Variants in HSD17B7 observed in about 807,000 individuals in gnomAD.
HSD17B7 encodes the protein hydroxysteroid 17-beta dehydrogenase 7, also known as 3-keto-steroid reductase/17-beta-hydroxysteroid dehydrogenase 7.
A neutral mutation model predicts 34.1 loss-of-function variants in HSD17B7; 17 were observed. The ratio of observed to expected loss-of-function variants is 0.50; its 90% confidence interval spans 0.34 to 0.75. HSD17B7 has a LOEUF of 0.75. Ranked by LOEUF, HSD17B7 falls within the 30% of genes least tolerant of loss-of-function variation. The pLI, the probability that HSD17B7 is intolerant of heterozygous loss-of-function variation, is 0.01. For synonymous variants in HSD17B7, 122 were observed against 154.6 expected, an observed-to-expected ratio of 0.79 and a Z score of 1.56; for missense variants, 296 against 406.6, an observed-to-expected ratio of 0.73 and a Z score of 2.34.
At chr1:162,801,579 T>C (rs952684656) in intron 5 of HSD17B7, among the ~76,000 whole-genome samples, 6 of 152,332 alleles carry the variant, frequency 3.9e-5, no homozygotes, top group African/African-American at 1.4e-4. Context: ...TACCCATGTG[T>C]AGCATGTTCA....
At chr1:162,792,102 A>C (rs937943240) in intron 1 of HSD17B7, among the ~76,000 whole-genome samples, 1 of 152,130 alleles carries the variant, frequency 6.6e-6, no homozygotes, top group African/African-American at 2.4e-5. Context: ...ATTTAATCAT[A>C]GTTGTTGAGA....
At chr1:162,807,258 A>G (rs553536419) in intron 8 of HSD17B7, among the ~76,000 whole-genome samples, 1 of 152,318 alleles carries the variant, frequency 6.6e-6, no homozygotes, top group South Asian at 2.1e-4. Context: ...TTTGCTGAGA[A>G]TGATGGTTTC....
chr1:162,799,949 C>T lies in HSD17B7; in HGVS notation c.642+12C>T, dbSNP rs747672755. 1 of 1,611,994 alleles carries T rather than the reference C, an allele frequency of 6.2e-7. No individual in the cohort carries two copies. The highest frequency in any genetic ancestry group is 1.1e-5 in the South Asian group (1 of 90,952). ...ACTTCAACCAGCAGGTAAGGCCTGTCTCAGTGATACGGAAATGGCAGAGGA... is the reference window on the plus strand; with the variant it reads ...ACTTCAACCAGCAGGTAAGGCCTGTTTCAGTGATACGGAAATGGCAGAGGA... On this transcript the variant is annotated intron_variant, in intron 5 of 8. Coordinates refer to ENST00000254521, the MANE Select transcript of HSD17B7 (RefSeq NM_016371.4).
At chr1:162,808,026 A>T (rs1428244032) in intron 8 of HSD17B7, among the ~76,000 whole-genome samples, 1 of 152,098 alleles carries the variant, frequency 6.6e-6, no homozygotes, top group Non-Finnish European at 1.5e-5. Context: ...GGTGTTTTAG[A>T]CATGAAGTCC....
chr1:162,791,064 T>C (rs1459860811), intron 1 of HSD17B7, among the ~76,000 whole-genome samples: 1 of 151,516 alleles, frequency 6.6e-6, no homozygotes, highest in Admixed American at 6.6e-5. Context: ...CAGTAAGTGA[T>C]GAGTGTCGCA....
chr1:162,810,227 C>A (rs1020187774), intron 8 of HSD17B7, among the ~76,000 whole-genome samples: 1 of 152,210 alleles, frequency 6.6e-6, no homozygotes, highest in Non-Finnish European at 1.5e-5. Context: ...CATTCAGGAG[C>A]AAGTTGTTCA....
intron 4 of HSD17B7, among the ~76,000 whole-genome samples, chr1:162,799,102 G>A (rs1175345699): frequency 6.6e-6 from 1 of 151,274 alleles, no homozygotes; most frequent in Non-Finnish European, 1.5e-5. Flanking sequence ...AAATTATTTG[G>A]ATTTTTTCCA....
At chr1:162,807,585 C>T (rs1311843770) in intron 8 of HSD17B7, among the ~76,000 whole-genome samples, 8 of 152,152 alleles carry the variant, frequency 5.3e-5, no homozygotes, top group African/African-American at 1.9e-4. Flanking sequence ...TTTACAGTCC[C>T]ACCAACAGTG....
In HSD17B7 at chr1:162,792,769, T is replaced by C; in HGVS notation, c.146T>C (p.Leu49Pro). 6.2e-7 allele frequency: 1 copy of C among 1,614,248 alleles called. No individual in the cohort carries two copies. ...GCAGAAGCTGTCTGTGCTGCTCTGCTGGCCTCTCACCCCACTGCTGAGGTC... is the reference window on the plus strand; with the variant it reads ...GCAGAAGCTGTCTGTGCTGCTCTGCCGGCCTCTCACCCCACTGCTGAGGTC... ...SKAEAVCAAL[L>P]ASHPTAEVTI... The change falls in exon 2 of 9, where the codon CTG (leucine) becomes CCG (proline). Residue 49 changes from leucine (L) to proline (P), a missense_variant. Coordinates refer to ENST00000254521, the MANE Select transcript of HSD17B7 (RefSeq NM_016371.4).
At chr1:162,805,764 C>T (rs1419126658) in intron 8 of HSD17B7, among the ~76,000 whole-genome samples, 3 of 152,130 alleles carry the variant, frequency 2.0e-5, no homozygotes, top group Non-Finnish European at 4.4e-5. Context: ...CCCTGTAGAC[C>T]GGGCCTGGGT....
Position 162,812,309 on chromosome 1 carries a change from T to A in HSD17B7, c.915T>A (p.Asp305Glu). Reference sequence around the variant, plus strand: ...TGCTTCTTTTCCAGATGGACCTAGATGAAGACACTGCTGAAAAATTTTATC... The same window carrying A: ...TGCTTCTTTTCCAGATGGACCTAGAAGAAGACACTGCTGAAAAATTTTATC... ...NYIMTQKMDL[D>E]EDTAEKFYQK... is the part of the protein sequence containing the mutation. The change falls in exon 9 of 9, where the codon GAT becomes GAA. Residue 305 changes from aspartate (D) to glutamate (E), a missense_variant. By Grantham distance (45) the Asp-to-Glu change is conservative. Coordinates refer to ENST00000254521, the MANE Select transcript of HSD17B7 (RefSeq NM_016371.4). 1 of 1,612,818 alleles carries A rather than the reference T, an allele frequency of 6.2e-7. No homozygotes were observed. Among genetic ancestry groups the A allele is most frequent in the South Asian group, 1.1e-5 (1 of 90,942 alleles).
At chr1:162,807,531 T>C (rs930964828) in intron 8 of HSD17B7, among the ~76,000 whole-genome samples, 2 of 152,172 alleles carry the variant, frequency 1.3e-5, no homozygotes, top group Non-Finnish European at 2.9e-5. Flanking sequence ...TAGTTCTAGA[T>C]CCTTGAGGAA....
intron 8 of HSD17B7, among the ~76,000 whole-genome samples, chr1:162,808,215 T>TA (rs1423011875): frequency 2.0e-5 from 3 of 152,228 alleles, no homozygotes; most frequent in Non-Finnish European, 4.4e-5. Context: ...CACCATTTAT[T>TA]AAATAGGGAA....
At chr1:162,803,966 C>T (rs994418968) in intron 6 of HSD17B7, among the ~76,000 whole-genome samples, 6 of 152,190 alleles carry the variant, frequency 3.9e-5, no homozygotes, top group African/African-American at 1.4e-4. Flanking sequence ...GTTTCTGTGG[C>T]ACATCTTGAA....
Position 162,792,757 on chromosome 1 carries a change from G to A in HSD17B7, c.134G>A (p.Cys45Tyr), listed in dbSNP as rs140205611. 42 of 1,614,090 alleles carry A rather than the reference G, an allele frequency of 2.6e-5. No homozygotes were observed. The African/African-American group carries it at 3.6e-4, about 14-fold the overall frequency. The change falls in exon 2 of 9, where the codon TGT (cysteine) becomes TAT (tyrosine). Residue 45 changes from cysteine to tyrosine, a missense_variant. Cys to Tyr is a radical substitution (Grantham distance 194). Transcript: ENST00000254521. ...AACATGAGCAAGGCAGAAGCTGTCTGTGCTGCTCTGCTGGCCTCTCACCCC... is the reference window on the plus strand; with the variant it reads ...AACATGAGCAAGGCAGAAGCTGTCTATGCTGCTCTGCTGGCCTCTCACCCC... ...CRNMSKAEAVCAALLASHPTA... is the reference protein window; with the variant it reads ...CRNMSKAEAVYAALLASHPTA...
intron 8 of HSD17B7, among the ~76,000 whole-genome samples, chr1:162,809,286 T>C (rs927080190): frequency 3.9e-5 from 6 of 152,238 alleles, no homozygotes; most frequent in Non-Finnish European, 5.9e-5. Flanking sequence ...GATTTGTGTA[T>C]GTTGAATCAG....
intron 4 of HSD17B7, chr1:162,798,891 G>A: frequency 3.6e-6 from 1 of 277,800 alleles, no homozygotes; most frequent in Non-Finnish European, 7.6e-6. Context: ...CTGCTTGGGA[G>A]GCTGAGGCAG....
rs563739499 is a variant in HSD17B7 at position 162,799,647 on chromosome 1, T to A, written c.448-96T>A. 3.5e-5 allele frequency: 25 copies of A among 720,558 alleles called. No homozygotes were observed. In the African/African-American group the frequency reaches 4.5e-4, roughly 13 times the overall value. The allele number at this position is 720,558 out of a possible 1,614,324, so 44.6% of individuals were successfully genotyped here. A position where few individuals can be genotyped will look rare whatever the true frequency, so the allele number is the denominator to read the frequency against. ...GATAACTAGTTAATACTGATGTCTC[T>A]GACCCTAATCTCTTACCATACAGTA... On this transcript the variant is annotated intron_variant, in intron 4 of 8. Transcript: ENST00000254521.
chr1:162,811,237 G>T (rs553494361), intron 8 of HSD17B7, among the ~76,000 whole-genome samples: 2 of 152,140 alleles, frequency 1.3e-5, no homozygotes, highest in African/African-American at 4.8e-5. Context: ...TGAAATTCTG[G>T]ATTGAAAATT....
Sources: gnomAD v4.1 joint callset for allele counts (sites outside exome capture counted in the v4.1 genomes callset) on GRCh38, gnomAD v4.1.1 for gene constraint, MANE v1.5 for transcripts, NCBI Gene and HGNC (gene_info 2026-07-23, HGNC 2026-07-21) for gene names.